Variants in TYW1 observed in about 807,000 individuals in gnomAD.
TYW1 encodes S-adenosyl-L-methionine-dependent tRNA 4-demethylwyosine synthase TYW1.
Under a neutral mutation model 96.2 loss-of-function variants are expected in TYW1, and 46 were observed. The ratio of observed to expected loss-of-function variants is 0.48; its 90% CI spans 0.38 to 0.61. TYW1 has a LOEUF of 0.61. Ranked by LOEUF, TYW1 falls within the 20% of genes least tolerant of loss-of-function variation. The pLI is 0.00. For missense variants in TYW1, 684 were observed against 909.6 expected, an observed-to-expected ratio of 0.75 and a Z score of 3.19; for synonymous variants, 274 against 323.0, an observed-to-expected ratio of 0.85 and a Z score of 1.63.
At chr7:67,229,849 A>T (rs190105538) in intron 15 of TYW1, among the ~76,000 whole-genome samples, 158 of 152,234 alleles carry the variant, frequency 1.0e-3, no homozygotes, top group African/African-American at 3.3e-3. Flanking sequence ...GCTCTTCCAG[A>T]GACTGAGGAG....
intron 15 of TYW1, among the ~76,000 whole-genome samples, chr7:67,204,821 T>C (rs1436007738): frequency 6.6e-6 from 1 of 152,072 alleles, no homozygotes; most frequent in Non-Finnish European, 1.5e-5. Flanking sequence ...CTTGAACTCC[T>C]GGCTTCCAGT....
At chr7:67,182,827 C>T (rs1323192138) in intron 13 of TYW1, among the ~76,000 whole-genome samples, 3 of 152,018 alleles carry the variant, frequency 2.0e-5, no homozygotes, top group African/African-American at 7.3e-5. Flanking sequence ...TCATTCCTTA[C>T]TAAATGTAAT....
chr7:67,230,161 T>C (rs1327780283), intron 15 of TYW1, among the ~76,000 whole-genome samples: 1 of 151,942 alleles, frequency 6.6e-6, no homozygotes, highest in Non-Finnish European at 1.5e-5. Context: ...ACTTAGCTTT[T>C]TTTGGACTTT....
At chr7:67,190,939 T>C (rs1048678988) in intron 14 of TYW1, among the ~76,000 whole-genome samples, 8 of 151,936 alleles carry the variant, frequency 5.3e-5, no homozygotes, top group African/African-American at 1.9e-4. Flanking sequence ...CAAGGCAAAC[T>C]CTCCAAGCAG....
intron 13 of TYW1, among the ~76,000 whole-genome samples, chr7:67,154,648 G>A (rs938845218): frequency 6.6e-6 from 1 of 152,134 alleles, no homozygotes; most frequent in African/African-American, 2.4e-5. Flanking sequence ...ACTATAGTGT[G>A]CCTAGAGAAG....
chr7:67,046,371 G>A (rs1180304066), intron 7 of TYW1, among the ~76,000 whole-genome samples: 3 of 152,084 alleles, frequency 2.0e-5, no homozygotes, highest in Non-Finnish European at 4.4e-5. Context: ...CTACAACCTG[G>A]GGGTTCGTGG....
At chr7:67,139,728 GGTGTGTGTGTGTGTGTGT>G (rs55993805) in intron 13 of TYW1, among the ~76,000 whole-genome samples, 9 of 138,436 alleles carry the variant, frequency 6.5e-5, no homozygotes, top group South Asian at 2.5e-4. Flanking sequence ...TGTGTATACA[GGTGTGTGTGTGTGTGTGT>G]GTGTGTGTGT....
At chr7:67,140,574 A>G (rs1410998928) in intron 13 of TYW1, among the ~76,000 whole-genome samples, 2 of 151,496 alleles carry the variant, frequency 1.3e-5, no homozygotes, top group South Asian at 2.1e-4. Context: ...AAAAGAAACA[A>G]ATCCTTTAAT....
At chr7:67,175,863 C>T (rs937405998) in intron 13 of TYW1, among the ~76,000 whole-genome samples, 1 of 152,230 alleles carries the variant, frequency 6.6e-6, no homozygotes, top group Middle Eastern at 3.4e-3. Context: ...GACAAGCATA[C>T]CCACTATATT....
rs1239982604 is a variant in TYW1 at position 67,115,393 on chromosome 7, G to T, written c.1563-2090G>T. Among the ~76,000 whole-genome samples the T allele has an allele frequency of 5.3e-5, 8 of 152,218 alleles. No homozygotes were observed. The East Asian group carries it at 1.5e-3, about 29-fold the overall frequency. On this transcript the variant is annotated intron_variant, in intron 12 of 15. Transcript: ENST00000359626. The stretch of plus-strand genomic sequence containing the variant: ...TTCAGTAATTAACGTGCTTTGCTCA[G>T]TAGTGGCACATTACCTGAACTTTGA...
chr7:67,184,027 C>G (rs1348734604), intron 14 of TYW1, among the ~76,000 whole-genome samples: 1 of 152,076 alleles, frequency 6.6e-6, no homozygotes, highest in African/African-American at 2.4e-5. Context: ...CTGTTTTGCC[C>G]AGGCTGGTCT....
In TYW1 at chr7:67,234,301, TG is replaced by T. The variant is rs2116452182; in HGVS notation, c.1978-4006del. Among the ~76,000 whole-genome samples, 2 of 130,192 alleles carry T rather than the reference TG, an allele frequency of 1.5e-5. 1 individual carries two copies. The highest frequency in any genetic ancestry group is 5.3e-4 in the South Asian group (2 of 3,786). The allele number at this position is 130,192 out of a possible 152,430, so 85.4% of individuals were successfully genotyped here. On this transcript the variant is annotated intron_variant, in intron 15 of 15. Coordinates refer to ENST00000359626, the MANE Select transcript of TYW1 (RefSeq NM_018264.4). Reference sequence around the variant, plus strand: ...GATTGAGGCTGCAATGTGCAATAGTTGCACCACTGCACTCCAGCCTGGGTGA... The same window carrying T: ...GATTGAGGCTGCAATGTGCAATAGTTCACCACTGCACTCCAGCCTGGGTGA...
intron 6 of TYW1, among the ~76,000 whole-genome samples, chr7:67,019,905 T>TGGAGTCAGTCAGTC (rs1794181795): frequency 6.6e-6 from 1 of 152,288 alleles, no homozygotes; most frequent in African/African-American, 2.4e-5. Context: ...TATGGCTACC[T>TGGAGTCAGTCAGTC]GGAGTCAGTC....
At chr7:67,163,829 C>T (rs1026654525) in intron 13 of TYW1, among the ~76,000 whole-genome samples, 2 of 152,010 alleles carry the variant, frequency 1.3e-5, no homozygotes, top group African/African-American at 4.8e-5. Context: ...CTACCACGTC[C>T]AGCTAATTTT....
At chr7:67,034,347 C>A (rs1238707233) in intron 7 of TYW1, among the ~76,000 whole-genome samples, 1 of 152,004 alleles carries the variant, frequency 6.6e-6, no homozygotes. Flanking sequence ...CTCAAGATAT[C>A]CACCTGCCTT....
chr7:67,148,707 A>G (rs1798692705), intron 13 of TYW1, among the ~76,000 whole-genome samples: 1 of 152,132 alleles, frequency 6.6e-6, no homozygotes, highest in African/African-American at 2.4e-5. Flanking sequence ...CTGGGATTAC[A>G]GGCGTGAGCC....
chr7:67,190,518 A>G (rs1405831378), intron 14 of TYW1, among the ~76,000 whole-genome samples: 2 of 152,234 alleles, frequency 1.3e-5, no homozygotes, highest in South Asian at 2.1e-4. Flanking sequence ...GATAGCGTAG[A>G]GGTTCCTGAA....
intron 12 of TYW1, among the ~76,000 whole-genome samples, chr7:67,105,440 G>A (rs1797206403): frequency 1.3e-5 from 2 of 152,204 alleles, no homozygotes; most frequent in African/African-American, 4.8e-5. Flanking sequence ...TAAGAAGTAG[G>A]TTTTGCTTTT....
chr7:67,019,130 G>C (rs894794269), intron 6 of TYW1, among the ~76,000 whole-genome samples: 2 of 152,110 alleles, frequency 1.3e-5, no homozygotes, highest in Admixed American at 1.3e-4. Context: ...CTTCACATCA[G>C]CCTTCCCCGT....
Sources: gnomAD v4.1 joint callset for allele counts (sites outside exome capture counted in the v4.1 genomes callset) on GRCh38, gnomAD v4.1.1 for gene constraint, MANE v1.5 for transcripts, NCBI Gene and HGNC (gene_info 2026-07-23, HGNC 2026-07-21) for gene names.